The following SIPA1L1 variants were observed in gnomAD, a reference collection of about 807,000 sequenced individuals.
The protein encoded by SIPA1L1 is signal-induced proliferation-associated 1-like protein 1.
A neutral mutation model predicts 162.7 loss-of-function variants in SIPA1L1; 26 were observed. The ratio of observed to expected loss-of-function variants is 0.16; its 90% CI spans 0.12 to 0.22. SIPA1L1 has a LOEUF of 0.22. SIPA1L1 is among the 10% of genes least tolerant of loss of function. The pLI, the probability that SIPA1L1 is intolerant of heterozygous loss-of-function variation, is 1.00. For missense variants in SIPA1L1, 1,874 were observed against 2,241.0 expected (o/e 0.84, Z 3.31); for synonymous variants, 829 against 837.4 (o/e 0.99, Z 0.17).
intron 2 of SIPA1L1, among the ~76,000 whole-genome samples, chr14:71,488,491 GA>G (rs1403128394): frequency 2.6e-5 from 4 of 152,112 alleles, no homozygotes; most frequent in Non-Finnish European, 5.9e-5. Flanking sequence ...TAGTACCCAT[GA>G]AAAATAATTT....
Position 71,605,694 on chromosome 14 carries a change from A to C in SIPA1L1, c.1499-13063A>C, listed in dbSNP as rs149434452. On this transcript the variant is annotated intron_variant, in intron 5 of 23. Transcript: ENST00000381232. Reference sequence around the variant, plus strand: ...TCAATAACTTAGGGTACAGTTGTTAATGGAGGCTCTGCTGAACTTTTGCTG... The same window carrying C: ...TCAATAACTTAGGGTACAGTTGTTACTGGAGGCTCTGCTGAACTTTTGCTG... Among the ~76,000 whole-genome samples the C allele has an allele frequency of 2.8e-3, 426 of 152,296 alleles. 1 individual carries two copies. The highest frequency in any genetic ancestry group is 0.012 in the South Asian group (58 of 4,824).
intron 9 of SIPA1L1, 41 bp downstream of exon 9, chr14:71,658,477 C>A: frequency 7.8e-7 from 1 of 1,280,558 alleles, no homozygotes; most frequent in Non-Finnish European, 1.1e-6. Flanking sequence ...ACCCTTGTTT[C>A]ATTTCCTCTA....
chr14:71,490,578 G>A (rs1370029233), intron 2 of SIPA1L1, among the ~76,000 whole-genome samples: 4 of 152,220 alleles, frequency 2.6e-5, no homozygotes, highest in African/African-American at 7.2e-5. Flanking sequence ...AATAATTGAT[G>A]TGTTTCCAAC....
chr14:71,725,862 C>G (rs2084193685), intron 19 of SIPA1L1, among the ~76,000 whole-genome samples: 1 of 152,142 alleles, frequency 6.6e-6, no homozygotes, highest in South Asian at 2.1e-4. Flanking sequence ...TTTGAAGAGA[C>G]TAGAAAGCTT....
At chr14:71,456,411 C>G (rs1382174353) in intron 2 of SIPA1L1, among the ~76,000 whole-genome samples, 1 of 152,162 alleles carries the variant, frequency 6.6e-6, no homozygotes, top group Non-Finnish European at 1.5e-5. Context: ...ATTTTATGTA[C>G]TAAAATATTA....
chr14:71,625,284 G>A (rs1274546752), intron 7 of SIPA1L1, among the ~76,000 whole-genome samples: 23 of 150,526 alleles, frequency 1.5e-4, no homozygotes, highest in Non-Finnish European at 1.3e-4. Context: ...ATAGTTAGAT[G>A]TCTCTTTTCT....
chr14:71,325,081 C>T (rs934048328), intron 2 of SIPA1L1, among the ~76,000 whole-genome samples: 1 of 152,128 alleles, frequency 6.6e-6, no homozygotes, highest in Non-Finnish European at 1.5e-5. Context: ...GGTATTCTGC[C>T]ATTGCTCACA....
At chr14:71,724,935 C>A in intron 19 of SIPA1L1, 100 bp downstream of exon 19, 2 of 1,021,018 alleles carry the variant, frequency 2.0e-6, no homozygotes, top group Non-Finnish European at 2.9e-6. Flanking sequence ...TGGTTACTGG[C>A]TGCTCTTCAC....
At chr14:71,495,106 A>G (rs1474208483) in intron 2 of SIPA1L1, among the ~76,000 whole-genome samples, 1 of 152,150 alleles carries the variant, frequency 6.6e-6, no homozygotes, top group Non-Finnish European at 1.5e-5. Flanking sequence ...TTATTTTGTA[A>G]TGCTCTTGTC....
chr14:71,611,772 A>G (rs974795769), intron 5 of SIPA1L1, among the ~76,000 whole-genome samples: 2 of 152,122 alleles, frequency 1.3e-5, no homozygotes, highest in Non-Finnish European at 2.9e-5. Context: ...CATGGTTTAT[A>G]TGTGCCACAT....
intron 7 of SIPA1L1, among the ~76,000 whole-genome samples, chr14:71,646,873 C>T (rs1387203466): frequency 2.0e-5 from 3 of 152,136 alleles, no homozygotes; most frequent in South Asian, 2.1e-4. Context: ...CATAAGCCCA[C>T]GTAGGTATGT....
chr14:71,679,115 A>T (rs551166700), intron 12 of SIPA1L1, among the ~76,000 whole-genome samples: 38 of 152,058 alleles, frequency 2.5e-4, no homozygotes, highest in African/African-American at 8.7e-4. Flanking sequence ...GAGAAGAGCA[A>T]CTCCAAGACA....
At chr14:71,354,395 A>G (rs2037032898) in intron 2 of SIPA1L1, among the ~76,000 whole-genome samples, 1 of 150,312 alleles carries the variant, frequency 6.7e-6, no homozygotes, top group Non-Finnish European at 1.5e-5. Context: ...TTCCCTCTTC[A>G]GCCTCCTGAG....
In SIPA1L1 at chr14:71,498,904, A is replaced by T. The variant is rs2049990122; in HGVS notation, c.-464-13839A>T. On this transcript the variant is annotated intron_variant, in intron 2 of 23. Coordinates refer to ENST00000381232, the MANE Select transcript of SIPA1L1 (RefSeq NM_001386936.1). ...TTATCAAATGTTCTTTACAAGGCTT[A>T]TATTAATTTATTAATTTTTGATGAT... 6.6e-5 allele frequency among the ~76,000 whole-genome samples: 10 copies of T among 152,286 alleles called. No homozygotes were observed. The South Asian group carries it at 2.1e-3, about 32-fold the overall frequency.
rs1289868195 is a variant in SIPA1L1, at chr14:71,567,011, TA to T, written c.-302-20558del. ...ACCTATTAGAAAAATGGACAGAACA[TA>T]AGTGGGTAAGATCAGTAAACAAATT... On this transcript the variant is annotated intron_variant, in intron 4 of 23. Transcript: ENST00000381232. Among the ~76,000 whole-genome samples the T allele has an allele frequency of 2.6e-5, 4 of 152,186 alleles. No individual in the cohort carries two copies. In the East Asian group the frequency reaches 7.7e-4, roughly 29 times the overall value.
At position 71,724,854 on chromosome 14, in the gene SIPA1L1, G is replaced by A. The variant is rs558131819; in HGVS notation, c.4614+19G>A. On this transcript the variant is annotated intron_variant, in intron 19 of 23. Coordinates refer to ENST00000381232, the MANE Select transcript of SIPA1L1 (RefSeq NM_001386936.1). ...TTTTAAGGTACAAGACAGAGCTCAG[G>A]GTAGATGGCAATTAGAAACAAGCCA... 30 of 1,604,990 alleles carry A rather than the reference G, an allele frequency of 1.9e-5. No homozygotes were observed. The South Asian group carries it at 3.2e-4, about 17-fold the overall frequency.
chr14:71,686,530 A>G (rs1189039011), intron 13 of SIPA1L1, among the ~76,000 whole-genome samples: 1 of 152,106 alleles, frequency 6.6e-6, no homozygotes, highest in East Asian at 1.9e-4. Context: ...GAAGTCATCA[A>G]CTTCTTTTTT....
intron 2 of SIPA1L1, among the ~76,000 whole-genome samples, chr14:71,397,846 GTACATCT>G (rs2041333610): frequency 6.6e-6 from 1 of 152,012 alleles, no homozygotes; most frequent in Non-Finnish European, 1.5e-5. Flanking sequence ...CATCTTGTTT[GTACATCT>G]TATGTAAGTA....
At chr14:71,335,911 C>G (rs559348685) in intron 2 of SIPA1L1, among the ~76,000 whole-genome samples, 1 of 152,280 alleles carries the variant, frequency 6.6e-6, no homozygotes, top group African/African-American at 2.4e-5. Context: ...GAAGAGAAAC[C>G]TCAAACCTTG....
Sources: gnomAD v4.1 joint callset for allele counts (sites outside exome capture counted in the v4.1 genomes callset) on GRCh38, gnomAD v4.1.1 for gene constraint, MANE v1.5 for transcripts, NCBI Gene and HGNC (gene_info 2026-07-23, HGNC 2026-07-21) for gene names.